Variants in SPINK6 observed in about 807,000 individuals in gnomAD.
SPINK6 encodes the protein serine peptidase inhibitor Kazal type 6.
Under a neutral mutation model 11.7 loss-of-function variants are expected in SPINK6, and 13 were observed. The observed-to-expected ratio is 1.11, with a 90% CI of 0.72 to 1.76. The LOEUF (loss-of-function observed/expected upper bound fraction) is 1.76, where lower values mean the gene tolerates loss of function less well. SPINK6 is among the 40% of genes most tolerant of loss of function. The probability of loss-of-function intolerance (pLI) is 0.00; values close to 1 mark genes in which losing one functional copy is unlikely to be tolerated. For synonymous variants in SPINK6, 21 were observed against 31.9 expected (o/e 0.66, Z 1.15); for missense variants, 98 against 93.7 (o/e 1.05, Z -0.19).
At position 148,203,144 on chromosome 5, in the gene SPINK6, C is replaced by T. The variant is rs769186417; in HGVS notation, c.48C>T (p.Cys16=). 2 of 1,610,818 alleles carry T rather than the reference C, an allele frequency of 1.2e-6. No homozygotes were observed. Among genetic ancestry groups the T allele is most frequent in the Non-Finnish European group, 1.7e-6 (2 of 1,179,060 alleles). Residue 16 remains cysteine, a synonymous_variant, in exon 1 of 4, where the codon TGC becomes TGT. Coordinates refer to ENST00000325630, the MANE Select transcript of SPINK6 (RefSeq NM_205841.4). Reference sequence around the variant, plus strand: ...TGCTCCTCTCTCTGGCTCTTTTCTGCTTTTTAACAGGTAAGTTTTTTCTTA... The same window carrying T: ...TGCTCCTCTCTCTGGCTCTTTTCTGTTTTTTAACAGGTAAGTTTTTTCTTA... The part of the protein sequence containing the change: ...MFLLLSLALF[C]FLTGVFSQGG...
intron 2 of SPINK6, among the ~76,000 whole-genome samples, chr5:148,208,491 T>A (rs1216116316): frequency 6.6e-6 from 1 of 152,172 alleles, no homozygotes; most frequent in Non-Finnish European, 1.5e-5. Flanking sequence ...ATGCCAAGAA[T>A]TCTCTACATG....
chr5:148,210,017 C>CAT (rs1755559726), intron 2 of SPINK6, among the ~76,000 whole-genome samples: 3 of 10,510 alleles, frequency 2.9e-4, no homozygotes, highest in Admixed American at 1.6e-3. Context: ...CATGTATGTA[C>CAT]GCATGTACGC....
intron 1 of SPINK6, among the ~76,000 whole-genome samples, chr5:148,203,620 C>T (rs1014998628): frequency 6.6e-6 from 1 of 152,080 alleles, no homozygotes; most frequent in South Asian, 2.1e-4. Context: ...GAAATATTTT[C>T]CTCCCCTTAG....
chr5:148,212,499 A>T (rs1444377591), intron 2 of SPINK6, among the ~76,000 whole-genome samples: 1,353 of 115,658 alleles, frequency 0.012, 33 homozygotes, highest in African/African-American at 0.043. Flanking sequence ...TATATATATA[A>T]AGTATATATT....
intron 2 of SPINK6, among the ~76,000 whole-genome samples, chr5:148,210,411 T>C (rs1353187738): frequency 6.7e-6 from 1 of 150,074 alleles, no homozygotes; most frequent in Non-Finnish European, 1.5e-5. Context: ...TGCATACATA[T>C]ATATGTATGT....
At chr5:148,207,021 T>TTGTGTG (rs61655416) in intron 2 of SPINK6, among the ~76,000 whole-genome samples, 9,734 of 150,028 alleles carry the variant, frequency 0.065, 341 homozygotes, top group African/African-American at 0.081. Context: ...GATGATGCAT[T>TTGTGTG]TGTGTGTGTG....
rs536441685 is a variant in SPINK6 at position 148,213,760 on chromosome 5, T to C, written c.82-150T>C. 2.1e-5 allele frequency: 12 copies of C among 576,406 alleles called. No homozygotes were observed. The South Asian group carries it at 2.3e-4, about 11-fold the overall frequency. 35.7% of individuals were successfully genotyped at this position (576,406 alleles called of 1,614,324 possible). A position where few individuals can be genotyped will look rare whatever the true frequency, so the allele number is the denominator to read the frequency against. ...TACTTAAGTAGGTAAGTAGAATACA[T>C]CAGATAAGGAGAGCTATTTTATATT... is the stretch of plus-strand genomic sequence containing the variant. On this transcript the variant is annotated intron_variant, in intron 2 of 3. Coordinates refer to ENST00000325630, the MANE Select transcript of SPINK6 (RefSeq NM_205841.4).
intron 3 of SPINK6, 47 bp from the exon 4 acceptor site, chr5:148,214,858 T>C (rs1208963098): frequency 6.9e-7 from 1 of 1,452,628 alleles, no homozygotes; most frequent in Non-Finnish European, 9.7e-7. Context: ...CTATGGTGAG[T>C]ACTTACGATA....
At chr5:148,203,725 T>C (rs1755463389) in intron 1 of SPINK6, among the ~76,000 whole-genome samples, 3 of 152,124 alleles carry the variant, frequency 2.0e-5, no homozygotes, top group Admixed American at 2.0e-4. Context: ...AATTGAAACT[T>C]AGAATGCAGA....
chr5:148,211,021 T>C (rs1003591724), intron 2 of SPINK6, among the ~76,000 whole-genome samples: 1 of 152,122 alleles, frequency 6.6e-6, no homozygotes, highest in Admixed American at 6.6e-5. Context: ...TTTTCATTGG[T>C]TTTATCTGTA....
At chr5:148,204,569 A>G (rs1755473573) in intron 1 of SPINK6, among the ~76,000 whole-genome samples, 1 of 150,856 alleles carries the variant, frequency 6.6e-6, no homozygotes, top group Non-Finnish European at 1.5e-5. Context: ...TGGCACTTTC[A>G]TTTTATAGCT....
intron 2 of SPINK6, among the ~76,000 whole-genome samples, chr5:148,209,764 C>A (rs936864929): frequency 1.3e-5 from 2 of 151,492 alleles, no homozygotes; most frequent in African/African-American, 4.8e-5. Flanking sequence ...GAAGGTAACA[C>A]AAGGGAAAAT....
intron 2 of SPINK6, among the ~76,000 whole-genome samples, chr5:148,207,586 T>C (rs1755516444): frequency 6.6e-6 from 1 of 152,198 alleles, no homozygotes; most frequent in South Asian, 2.1e-4. Flanking sequence ...ATCCCAGCAC[T>C]TGGGGAGGCC....
chr5:148,213,848 T>C, intron 2 of SPINK6, 62 bp from the exon 3 acceptor site: 1 of 838,612 alleles, frequency 1.2e-6, no homozygotes, highest in Admixed American at 2.0e-5. Context: ...CTAAAGCTTC[T>C]GTTCTGAAGG....
chr5:148,211,932 T>C (rs1261269518), intron 2 of SPINK6, among the ~76,000 whole-genome samples: 2 of 152,156 alleles, frequency 1.3e-5, no homozygotes, highest in Non-Finnish European at 2.9e-5. Context: ...CACAAGACAG[T>C]ATCATTTTAG....
At chr5:148,209,989 CATATACACGTATGTATACA>C (rs1755553790) in intron 2 of SPINK6, among the ~76,000 whole-genome samples, 1 of 149,408 alleles carries the variant, frequency 6.7e-6, no homozygotes, top group Non-Finnish European at 1.5e-5. Context: ...TGTATGTATA[CATATACACGTATGTATACA>C]TGTATGTACG....
chr5:148,210,294 A>AGG (rs1755574065), intron 2 of SPINK6, among the ~76,000 whole-genome samples: 1 of 8,118 alleles, frequency 1.2e-4, no homozygotes, highest in African/African-American at 3.4e-4. Context: ...ATATATATGT[A>AGG]TGTTTCTGCA....
intron 3 of SPINK6, 27 bp from the exon 4 acceptor site, chr5:148,214,878 G>A (rs1755661130): frequency 6.9e-6 from 11 of 1,597,652 alleles, no homozygotes; most frequent in Non-Finnish European, 9.4e-6. Flanking sequence ...ATTGCACTGA[G>A]TATATATTTG....
Position 148,207,361 on chromosome 5 carries a change from TACAA to T in SPINK6, c.81+1307_81+1310del, listed in dbSNP as rs1033805006. Among the ~76,000 whole-genome samples, 212 of 152,302 alleles carry T rather than the reference TACAA, an allele frequency of 1.4e-3. 1 individual carries two copies. Among genetic ancestry groups the T allele is most frequent in the African/African-American group, 4.9e-3 (202 of 41,564 alleles). ...CGTTGATTTCTCAGATTTTTTTTCTTACAAACAGAGGTTTTATTGCATTTGGTCC... is the reference window on the plus strand; with the variant it reads ...CGTTGATTTCTCAGATTTTTTTTCTTACAGAGGTTTTATTGCATTTGGTCC... On this transcript the variant is annotated intron_variant, in intron 2 of 3. Transcript: ENST00000325630.
Sources: allele counts gnomAD v4.1 joint callset (sites outside exome capture counted in the v4.1 genomes callset), GRCh38; gene constraint gnomAD v4.1.1; transcripts MANE v1.5; gene names NCBI Gene and HGNC (gene_info 2026-07-23, HGNC 2026-07-21).